The following ZNF608 variants were observed in gnomAD, a reference collection of about 807,000 sequenced individuals.
The protein encoded by ZNF608 is renal carcinoma antigen NY-REN-36.
Under a neutral mutation model 109.0 loss-of-function variants are expected in ZNF608, and 12 were observed. That is an observed-to-expected ratio of 0.11 (90% CI 0.07 to 0.18). ZNF608 has a LOEUF of 0.18. ZNF608 is among the 10% of genes least tolerant of loss of function. ZNF608 has a pLI of 1.00. For missense variants in ZNF608, 1,707 were observed against 1,879.3 expected, an observed-to-expected ratio of 0.91 and a Z score of 1.70; for synonymous variants, 732 against 717.4, an observed-to-expected ratio of 1.02 and a Z score of -0.33.
chr5:124,714,473 G>C (rs1753617334), intron 2 of ZNF608, among the ~76,000 whole-genome samples: 1 of 152,148 alleles, frequency 6.6e-6, no homozygotes, highest in Admixed American at 6.5e-5. Flanking sequence ...TAATGCTTTT[G>C]AACTGGGTAA....
intron 3 of ZNF608, among the ~76,000 whole-genome samples, chr5:124,676,827 G>A (rs1414230835): frequency 6.6e-6 from 1 of 152,188 alleles, no homozygotes; most frequent in Non-Finnish European, 1.5e-5. Flanking sequence ...TTTATGCAAA[G>A]TGCAAAGCCA....
chr5:124,659,214 G>A (rs973766987), intron 3 of ZNF608, among the ~76,000 whole-genome samples: 3 of 150,356 alleles, frequency 2.0e-5, no homozygotes, highest in East Asian at 1.9e-4. Flanking sequence ...CCATTACTTC[G>A]ACTAGAAAAA....
At chr5:124,641,141 G>T in intron 8 of ZNF608, 111 bp downstream of exon 8, 1 of 1,379,134 alleles carries the variant, frequency 7.3e-7, no homozygotes, top group Non-Finnish European at 1.0e-6. Context: ...AAACCCTCCT[G>T]AGAGCTAATG....
chr5:124,641,278 A>T lies in ZNF608; in HGVS notation c.4424T>A (p.Ile1475Asn). 2 of 1,613,860 alleles carry T rather than the reference A, an allele frequency of 1.2e-6. No homozygotes were observed. Among genetic ancestry groups the T allele is most frequent in the Non-Finnish European group, 1.7e-6 (2 of 1,180,034 alleles). The change falls in exon 8 of 10, where the codon ATC becomes AAC. Residue 1475 changes from isoleucine (I) to asparagine (N), a missense_variant. Coordinates refer to ENST00000513986, the MANE Select transcript of ZNF608 (RefSeq NM_020747.3). ...TTGAAAAGGGTCATATTGACCCGGG[A>T]TTAGCGGGTAACCCATGCCAACGTG... Reference protein sequence around the residue: ...HTHVGMGYPLIPGQYDPFQGL... With the variant: ...HTHVGMGYPLNPGQYDPFQGL...
chr5:124,723,874 A>C (rs1325997637), intron 2 of ZNF608, among the ~76,000 whole-genome samples: 1 of 152,218 alleles, frequency 6.6e-6, no homozygotes, highest in Non-Finnish European at 1.5e-5. Flanking sequence ...ACTTTAAAAT[A>C]AGAAATGGCC....
intron 3 of ZNF608, among the ~76,000 whole-genome samples, chr5:124,665,755 C>G (rs1476744088): frequency 1.3e-5 from 2 of 152,174 alleles, no homozygotes; most frequent in Non-Finnish European, 2.9e-5. Flanking sequence ...TGTAGAAGCT[C>G]TAAACACAGC....
At chr5:124,709,197 A>AAAAAAAAAAC (rs1561575420) in intron 2 of ZNF608, among the ~76,000 whole-genome samples, 1 of 150,496 alleles carries the variant, frequency 6.6e-6, no homozygotes, top group Non-Finnish European at 1.5e-5. Context: ...AAAAAAAAAA[A>AAAAAAAAAAC]ATCTGGGTTC....
At chr5:124,675,561 T>C (rs1204794826) in intron 3 of ZNF608, among the ~76,000 whole-genome samples, 1 of 152,256 alleles carries the variant, frequency 6.6e-6, no homozygotes, top group Non-Finnish European at 1.5e-5. Context: ...TAATATTTTA[T>C]GTTTACTAAA....
At position 124,744,389 on chromosome 5, in the gene ZNF608, C is replaced by T. The variant is rs1287147775; in HGVS notation, c.601G>A (p.Ala201Thr). 1 of 1,614,250 alleles carries T rather than the reference C, an allele frequency of 6.2e-7. No individual in the cohort carries two copies. Among genetic ancestry groups the T allele is most frequent in the Admixed American group, 1.7e-5 (1 of 60,032 alleles). The change falls in exon 2 of 10, where the codon GCC becomes ACC. Residue 201 changes from alanine (A) to threonine (T), a missense_variant. By Grantham distance (58) the Ala-to-Thr change is moderately conservative. This residue lies in a region of ZNF608 where 407 missense variants were observed against 398.7 expected (regional missense o/e 1.02). Transcript: ENST00000513986. The surrounding 1 kb of genome is among the most constrained non-coding windows in gnomAD (Gnocchi z 4.5). Reference protein sequence around the residue: ...KPGKSQSSRGAKRDKDAGKSR... With the variant: ...KPGKSQSSRGTKRDKDAGKSR... The stretch of plus-strand genomic sequence containing the variant: ...TTCCCCGCATCCTTATCCCGCTTGG[C>T]GCCTCGGCTGCTCTGGCTTTTACCT...
chr5:124,664,350 T>G (rs1456304661), intron 3 of ZNF608, among the ~76,000 whole-genome samples: 1 of 152,228 alleles, frequency 6.6e-6, no homozygotes, highest in Non-Finnish European at 1.5e-5. Flanking sequence ...GCTCACTGAA[T>G]CTTGGTGAAG....
intron 2 of ZNF608, among the ~76,000 whole-genome samples, chr5:124,738,117 C>G (rs978965353): frequency 2.6e-5 from 4 of 152,202 alleles, no homozygotes; most frequent in Non-Finnish European, 5.9e-5. Flanking sequence ...CTATGACATA[C>G]CAGTTACAGG....
intron 2 of ZNF608, among the ~76,000 whole-genome samples, chr5:124,720,558 T>C (rs949417532): frequency 6.6e-5 from 10 of 152,256 alleles, no homozygotes; most frequent in Non-Finnish European, 1.3e-4. Context: ...CTGTTAAATG[T>C]ATACTGAAAA....
rs760092982 is a variant in ZNF608 at position 124,744,646 on chromosome 5, G to A, written c.344C>T (p.Ala115Val). Residue 115 changes from alanine to valine, a missense_variant, in exon 2 of 10, where the codon GCT becomes GTT. Physicochemically the swap from Ala to Val is moderately conservative, Grantham distance 64. Around this residue, in one of 7 missense-constraint regions of ZNF608, gnomAD observed 407 missense variants for 398.7 expected, o/e 1.02. Transcript: ENST00000513986. This position sits in a 1 kb window ranked among gnomAD's most constrained non-coding sequence, Gnocchi z 4.5. ...GGCAGCAGAAGGCAGAGATTTATTA[G>A]CATCCTTAGAAGTTTTACTCCTTTT... ...KVKRSKTSKD[A>V]NKSLPSAALY... 1 of 1,614,188 alleles carries A rather than the reference G, an allele frequency of 6.2e-7. No homozygotes were observed.
chr5:124,661,566 T>A (rs967996936), intron 3 of ZNF608, among the ~76,000 whole-genome samples: 2 of 151,960 alleles, frequency 1.3e-5, no homozygotes, highest in African/African-American at 4.8e-5. Flanking sequence ...ACAAGCCTAA[T>A]GAAGTGTGAC....
At chr5:124,707,612 C>T (rs909236764) in intron 2 of ZNF608, among the ~76,000 whole-genome samples, 2 of 152,104 alleles carry the variant, frequency 1.3e-5, no homozygotes, top group Non-Finnish European at 2.9e-5. Context: ...TGAGATTGCC[C>T]ATAGTCACCT....
At chr5:124,717,172 T>C (rs1460505862) in intron 2 of ZNF608, among the ~76,000 whole-genome samples, 1 of 151,468 alleles carries the variant, frequency 6.6e-6, no homozygotes, top group East Asian at 2.0e-4. Flanking sequence ...ATTTTTAAAA[T>C]TCATTTTTGC....
intron 3 of ZNF608, among the ~76,000 whole-genome samples, chr5:124,687,900 T>C (rs1376001117): frequency 6.6e-6 from 1 of 151,930 alleles, no homozygotes; most frequent in Non-Finnish European, 1.5e-5. Flanking sequence ...CAAGAGGAAA[T>C]AAAAGTAGCA....
intron 3 of ZNF608, among the ~76,000 whole-genome samples, chr5:124,663,346 A>G (rs185052991): frequency 3.9e-5 from 6 of 152,290 alleles, no homozygotes; most frequent in African/African-American, 1.4e-4. Flanking sequence ...TAGAAGGTAC[A>G]CACCAGAGCG....
chr5:124,708,433 G>C (rs949738562), intron 2 of ZNF608, among the ~76,000 whole-genome samples: 7 of 152,204 alleles, frequency 4.6e-5, no homozygotes, highest in Non-Finnish European at 7.4e-5. Context: ...TAAAATAGAA[G>C]ATGAGATGGA....
Sources: allele counts gnomAD v4.1 joint callset (sites outside exome capture counted in the v4.1 genomes callset), GRCh38; gene constraint gnomAD v4.1.1; regional missense constraint gnomAD v4.1.1; non-coding constraint Gnocchi (gnomAD v3.1); transcripts MANE v1.5; gene names NCBI Gene and HGNC (gene_info 2026-07-23, HGNC 2026-07-21).